SIPA1L1: variants seen among roughly 807,000 people sequenced by gnomAD.
The protein encoded by SIPA1L1 is signal induced proliferation associated 1 like 1, also known as signal-induced proliferation-associated 1-like protein 1.
In SIPA1L1, 26 loss-of-function variants were observed where a neutral mutation model predicts 162.7. The observed-to-expected ratio is 0.16, with a 90% CI of 0.12 to 0.22. The LOEUF (loss-of-function observed/expected upper bound fraction) is 0.22. SIPA1L1 is among the 10% of genes least tolerant of loss of function. The pLI is 1.00. For synonymous variants in SIPA1L1, 829 were observed against 837.4 expected, an observed-to-expected ratio of 0.99 and a Z score of 0.17; for missense variants, 1,874 against 2,241.0, an observed-to-expected ratio of 0.84 and a Z score of 3.31.
At chr14:71,678,711 A>G (rs1204260877) in intron 12 of SIPA1L1, among the ~76,000 whole-genome samples, 1 of 151,488 alleles carries the variant, frequency 6.6e-6, no homozygotes, top group Admixed American at 6.6e-5. Context: ...TTCAGAAGGA[A>G]TGGTACCAGC....
Position 71,446,852 on chromosome 14 carries a change from A to G in SIPA1L1, c.-464-65891A>G, listed in dbSNP as rs955040522. Among the ~76,000 whole-genome samples, 10 of 145,000 alleles carry G rather than the reference A, an allele frequency of 6.9e-5. No homozygotes were observed. In the East Asian group the frequency reaches 1.8e-3, roughly 27 times the overall value. ...AACCATATTTGAAAATACATTTCCA[A>G]TTGAGTTAAGTAGATCCTGCAAATA... On this transcript the variant is annotated intron_variant, in intron 2 of 23. Transcript: ENST00000381232.
rs570869175 is a variant in SIPA1L1 at position 71,688,921 on chromosome 14, C to T, written c.3374+3290C>T. Among the ~76,000 whole-genome samples, 8 of 152,286 alleles carry T rather than the reference C, an allele frequency of 5.3e-5. No homozygotes were observed. The South Asian group carries it at 1.7e-3, about 32-fold the overall frequency. On this transcript the variant is annotated intron_variant, in intron 13 of 23. Coordinates refer to ENST00000381232, the MANE Select transcript of SIPA1L1 (RefSeq NM_001386936.1). ...TTTAACCATAGAGAAACCAGCTATACTTAAGCTCAAGTTAGCAGCCATCTC... is the reference window on the plus strand; with the variant it reads ...TTTAACCATAGAGAAACCAGCTATATTTAAGCTCAAGTTAGCAGCCATCTC...
intron 5 of SIPA1L1, among the ~76,000 whole-genome samples, chr14:71,607,211 A>G (rs1372077275): frequency 6.6e-6 from 1 of 151,528 alleles, no homozygotes; most frequent in Admixed American, 6.6e-5. Context: ...ACTATGAACA[A>G]TGGTGGTTTT....
At chr14:71,648,601 A>G (rs1189497215) in intron 7 of SIPA1L1, among the ~76,000 whole-genome samples, 3 of 152,356 alleles carry the variant, frequency 2.0e-5, no homozygotes, top group Non-Finnish European at 4.4e-5. Flanking sequence ...TGACCCATAT[A>G]GTAATATTCC....
chr14:71,609,867 C>T (rs1222669270), intron 5 of SIPA1L1, among the ~76,000 whole-genome samples: 1 of 152,064 alleles, frequency 6.6e-6, no homozygotes, highest in African/African-American at 2.4e-5. Flanking sequence ...AAGCCACTTC[C>T]CCTGCGCCCC....
rs563458226 is a variant in SIPA1L1 at position 71,677,095 on chromosome 14, G to A, written c.3104+4473G>A. ...ACTAGTTTACACTCCCACCAACAGT[G>A]TAAAAGTGTTCCTATTTCTCCACAT... On this transcript the variant is annotated intron_variant, in intron 12 of 23. Transcript: ENST00000381232. Among the ~76,000 whole-genome samples the A allele has an allele frequency of 2.3e-4, 35 of 152,334 alleles. No individual in the cohort carries two copies. The South Asian group carries it at 6.8e-3, about 30-fold the overall frequency.
chr14:71,598,213 TCA>T, intron 5 of SIPA1L1: 1 of 985,406 alleles, frequency 1.0e-6, no homozygotes, highest in Non-Finnish European at 1.2e-6. Flanking sequence ...CAAAACGCCA[TCA>T]CAGAGACTGA....
intron 15 of SIPA1L1, among the ~76,000 whole-genome samples, chr14:71,702,763 A>G (rs948256116): frequency 6.6e-6 from 1 of 152,206 alleles, no homozygotes; most frequent in Admixed American, 6.5e-5. Flanking sequence ...ACACCAGACT[A>G]CCAGACTAAG....
intron 2 of SIPA1L1, among the ~76,000 whole-genome samples, chr14:71,333,958 T>C (rs2034825757): frequency 1.3e-5 from 2 of 152,164 alleles, no homozygotes; most frequent in African/African-American, 4.8e-5. Context: ...GTGGGTGAGA[T>C]GATGTGGAGT....
chr14:71,533,755 T>G (rs1166323046), intron 4 of SIPA1L1, among the ~76,000 whole-genome samples: 1 of 152,244 alleles, frequency 6.6e-6, no homozygotes, highest in African/African-American at 2.4e-5. Context: ...ATTATAAAAT[T>G]GTTAGAACAT....
intron 7 of SIPA1L1, among the ~76,000 whole-genome samples, chr14:71,642,393 G>A (rs2041804533): frequency 6.6e-6 from 1 of 152,128 alleles, no homozygotes; most frequent in Admixed American, 6.5e-5. Flanking sequence ...GTCTACCTCT[G>A]GTGCGAATAG....
chr14:71,529,264 G>C lies in SIPA1L1; in HGVS notation c.-361-48G>C, dbSNP rs189756448. ...AGTTATACAGCTATTGTATTTTAGT[G>C]AAATTTATTGTGCACTTAACCAGGT... On this transcript the variant is annotated intron_variant, in intron 3 of 23. Coordinates refer to ENST00000381232, the MANE Select transcript of SIPA1L1 (RefSeq NM_001386936.1). 1.0e-3 allele frequency: 600 copies of C among 574,328 alleles called. 2 individuals are homozygous for C. The highest frequency in any genetic ancestry group is 1.5e-3 in the Non-Finnish European group (490 of 319,590). 35.6% of individuals were successfully genotyped at this position (574,328 alleles called of 1,614,324 possible).
chr14:71,565,504 A>G (rs1454311920), intron 4 of SIPA1L1, among the ~76,000 whole-genome samples: 1 of 152,238 alleles, frequency 6.6e-6, no homozygotes, highest in African/African-American at 2.4e-5. Flanking sequence ...TTTTGAAAGT[A>G]TAATATCTTT....
chr14:71,683,053 C>T (rs866815988), intron 12 of SIPA1L1, among the ~76,000 whole-genome samples: 6 of 152,188 alleles, frequency 3.9e-5, no homozygotes, highest in Non-Finnish European at 8.8e-5. Context: ...ACTCAGGAGG[C>T]TGAGATGGGA....
intron 8 of SIPA1L1, among the ~76,000 whole-genome samples, chr14:71,656,842 AGTGTCT>A (rs1323513656): frequency 2.0e-5 from 3 of 152,176 alleles, no homozygotes; most frequent in Non-Finnish European, 2.9e-5. Flanking sequence ...GCTACCTGGG[AGTGTCT>A]GTGAAGAATA....
At chr14:71,527,709 CA>C (rs1473233181) in intron 3 of SIPA1L1, among the ~76,000 whole-genome samples, 3 of 152,126 alleles carry the variant, frequency 2.0e-5, no homozygotes, top group African/African-American at 7.2e-5. Context: ...TGAAGTTAGA[CA>C]CTGTATTTGT....
At chr14:71,582,608 A>G (rs948605720) in intron 4 of SIPA1L1, among the ~76,000 whole-genome samples, 8 of 152,170 alleles carry the variant, frequency 5.3e-5, no homozygotes, top group African/African-American at 1.4e-4. Flanking sequence ...TCTTATCTCT[A>G]AATTCAAATA....
At chr14:71,334,108 G>A (rs1300199781) in intron 2 of SIPA1L1, among the ~76,000 whole-genome samples, 4 of 152,142 alleles carry the variant, frequency 2.6e-5, no homozygotes, top group African/African-American at 9.7e-5. Flanking sequence ...GTGCATGTTG[G>A]GTATGAGATG....
In SIPA1L1 at chr14:71,629,145, G is replaced by A. The variant is rs373788842; in HGVS notation, c.1818+4909G>A. ...GTAGAGACGGGGTTCCACCGTGTTA[G>A]CCAGGATAATCTCGATCTCCTGACC... is the stretch of plus-strand genomic sequence containing the variant. On this transcript the variant is annotated intron_variant, in intron 7 of 23. Transcript: ENST00000381232. Among the ~76,000 whole-genome samples the A allele has an allele frequency of 2.0e-4, 31 of 152,198 alleles. No homozygotes were observed. In the East Asian group the frequency reaches 3.5e-3, roughly 17 times the overall value.
Sources: gnomAD v4.1 joint callset for allele counts (sites outside exome capture counted in the v4.1 genomes callset) on GRCh38, gnomAD v4.1.1 for gene constraint, MANE v1.5 for transcripts, NCBI Gene and HGNC (gene_info 2026-07-23, HGNC 2026-07-21) for gene names.